LRP1B: variants seen among roughly 807,000 people sequenced by gnomAD.
LRP1B encodes the protein LDL receptor related protein 1B.
In LRP1B, 217 loss-of-function variants were observed where a neutral mutation model predicts 556.6. The observed-to-expected ratio is 0.39, with a 90% CI of 0.35 to 0.44. The LOEUF is 0.44. Ranked by LOEUF, LRP1B falls within the 20% of genes least tolerant of loss-of-function variation. The probability of loss-of-function intolerance (pLI) is 1.00; values close to 1 mark genes in which losing one functional copy is unlikely to be tolerated. For synonymous variants in LRP1B, 2,047 were observed against 1,865.8 expected (o/e 1.10, Z -2.50); for missense variants, 5,053 against 5,620.8 (o/e 0.90, Z 3.23).
rs201406303 is a variant in LRP1B at position 140,458,808 on chromosome 2, AG to A, written c.9626-1158del. 4.1e-3 allele frequency among the ~76,000 whole-genome samples: 617 copies of A among 152,142 alleles called. 2 individuals carry two copies. The highest frequency in any genetic ancestry group is 0.022 in the Middle Eastern group (6 of 274). On this transcript the variant is annotated intron_variant, in intron 60 of 90. Coordinates refer to ENST00000389484, the MANE Select transcript of LRP1B (RefSeq NM_018557.3). Reference sequence around the variant, plus strand: ...TGGGTAAATTTATATTATCAACTAAAGTAAATATTTTAAATTTTTTGATTTT... The same window carrying A: ...TGGGTAAATTTATATTATCAACTAAATAAATATTTTAAATTTTTTGATTTT...
chr2:141,017,942 C>T (rs908140229), intron 12 of LRP1B, among the ~76,000 whole-genome samples: 3 of 150,234 alleles, frequency 2.0e-5, no homozygotes, highest in African/African-American at 7.3e-5. Context: ...TCGAGGCTGT[C>T]GTGAGCCAAG....
intron 1 of LRP1B, among the ~76,000 whole-genome samples, chr2:142,036,374 C>G (rs944566946): frequency 6.6e-6 from 1 of 151,602 alleles, no homozygotes; most frequent in Admixed American, 6.6e-5. Flanking sequence ...TATCAAAAGA[C>G]ATTTTTGAAG....
chr2:141,500,806 C>T (rs886469579), intron 2 of LRP1B, among the ~76,000 whole-genome samples: 1 of 152,042 alleles, frequency 6.6e-6, no homozygotes, highest in African/African-American at 2.4e-5. Context: ...TAAATTCTAG[C>T]AAAGGGTGTC....
At chr2:141,324,930 T>C (rs1398005322) in intron 3 of LRP1B, among the ~76,000 whole-genome samples, 1 of 152,042 alleles carries the variant, frequency 6.6e-6, no homozygotes, top group East Asian at 1.9e-4. Flanking sequence ...GGTTCAAAAG[T>C]AAAATATTTT....
chr2:141,409,568 T>A (rs6429873), intron 3 of LRP1B, among the ~76,000 whole-genome samples: 98,852 of 151,874 alleles, frequency 0.65, 33,413 homozygotes, highest in Non-Finnish European at 0.75. Flanking sequence ...CCAAGAAATA[T>A]TTTAATATGT....
intron 2 of LRP1B, among the ~76,000 whole-genome samples, chr2:141,571,587 G>A (rs765195360): frequency 2.6e-5 from 4 of 152,070 alleles, no homozygotes; most frequent in Non-Finnish European, 5.9e-5. Context: ...TCAAATCGGC[G>A]AATTAACAGA....
At chr2:141,550,275 G>T (rs1247090125) in intron 2 of LRP1B, among the ~76,000 whole-genome samples, 1 of 152,088 alleles carries the variant, frequency 6.6e-6, no homozygotes, top group Non-Finnish European at 1.5e-5. Context: ...CACAAAGAAG[G>T]TGAATTTTAT....
chr2:141,353,627 G>A (rs2105545787), intron 3 of LRP1B, among the ~76,000 whole-genome samples: 1 of 152,058 alleles, frequency 6.6e-6, no homozygotes, highest in Middle Eastern at 3.4e-3. Context: ...TTATGGATGA[G>A]AAGTTCATGT....
At chr2:140,315,175 T>G in intron 82 of LRP1B, 76 bp from the exon 83 acceptor site, 2 of 981,246 alleles carry the variant, frequency 2.0e-6, no homozygotes, top group Non-Finnish European at 2.9e-6. Context: ...ATAGATACAA[T>G]ATTTAAATAC....
intron 1 of LRP1B, among the ~76,000 whole-genome samples, chr2:142,106,092 T>C (rs911548512): frequency 1.3e-5 from 2 of 152,196 alleles, no homozygotes; most frequent in African/African-American, 4.8e-5. Context: ...TTAGCTATGA[T>C]TTTTCATTAT....
intron 2 of LRP1B, among the ~76,000 whole-genome samples, chr2:141,498,440 A>T (rs564190132): frequency 2.1e-4 from 31 of 150,526 alleles, no homozygotes; most frequent in Admixed American, 6.7e-4. Flanking sequence ...TCTTCAAGAC[A>T]TTTTTTTTAA....
At chr2:140,868,056 C>G (rs754931956) in intron 26 of LRP1B, 43 bp downstream of exon 26, 1 of 1,539,408 alleles carries the variant, frequency 6.5e-7, no homozygotes, top group South Asian at 1.3e-5. Context: ...TAAATATTAT[C>G]TAAGTAAAAA....
chr2:141,771,888 G>A lies in LRP1B; in HGVS notation c.205+38391C>T, dbSNP rs140882666. Among the ~76,000 whole-genome samples, 106 of 152,092 alleles carry A rather than the reference G, an allele frequency of 7.0e-4. 3 individuals are homozygous for A. The highest frequency in any genetic ancestry group is 2.4e-3 in the African/African-American group (98 of 41,484). On this transcript the variant is annotated intron_variant, in intron 2 of 90. Transcript: ENST00000389484. Reference sequence around the variant, plus strand: ...GGCTGGAGTGCAGTGGTGCGTTCTCGGCTCACTGTAATCTCTGCCTTCCTA... The same window carrying A: ...GGCTGGAGTGCAGTGGTGCGTTCTCAGCTCACTGTAATCTCTGCCTTCCTA...
intron 2 of LRP1B, among the ~76,000 whole-genome samples, chr2:141,573,887 A>C (rs1686631172): frequency 6.6e-6 from 1 of 152,156 alleles, no homozygotes; most frequent in Non-Finnish European, 1.5e-5. Flanking sequence ...CTCTACCATG[A>C]CTAAACTGGA....
At chr2:141,204,447 C>G (rs112866839) in intron 6 of LRP1B, among the ~76,000 whole-genome samples, 1 of 152,072 alleles carries the variant, frequency 6.6e-6, no homozygotes, top group Non-Finnish European at 1.5e-5. Flanking sequence ...TTATGGTCCT[C>G]CACCTCAGAT....
intron 34 of LRP1B, among the ~76,000 whole-genome samples, 178 bp from the exon 35 acceptor site, chr2:140,769,522 T>C (rs1241090943): frequency 6.6e-6 from 1 of 152,004 alleles, no homozygotes; most frequent in Non-Finnish European, 1.5e-5. Flanking sequence ...GGTAGGTAGA[T>C]TTGTAGTTCT....
At chr2:141,202,651 G>T (rs1162811858) in intron 6 of LRP1B, among the ~76,000 whole-genome samples, 9 of 151,828 alleles carry the variant, frequency 5.9e-5, no homozygotes, top group African/African-American at 2.2e-4. Context: ...GTTTTGATTT[G>T]CATTTCTCTG....
rs1410816995 is a variant in LRP1B, at chr2:140,231,502, G to T, written c.*1684C>A. The T allele has an allele frequency of 6.6e-6, 1 of 151,472 alleles. No homozygotes were observed. The highest frequency in any genetic ancestry group is 6.6e-5 in the Admixed American group (1 of 15,078). The allele number at this position is 151,472 out of a possible 1,614,324, so 9.4% of individuals were successfully genotyped here. ...TTTAACACTTCATTGTAGAAACATA[G>T]GCAAAATGACTATATTATAACCAAA... On this transcript the variant is annotated 3_prime_UTR_variant, in exon 91 of 91. Transcript: ENST00000389484.
At chr2:141,718,015 C>T (rs1692670891) in intron 2 of LRP1B, among the ~76,000 whole-genome samples, 1 of 152,160 alleles carries the variant, frequency 6.6e-6, no homozygotes, top group Non-Finnish European at 1.5e-5. Context: ...TAGAGAATGG[C>T]CACTGTGGCC....
Sources: gnomAD v4.1 joint callset for allele counts (sites outside exome capture counted in the v4.1 genomes callset) on GRCh38, gnomAD v4.1.1 for gene constraint, MANE v1.5 for transcripts, NCBI Gene and HGNC (gene_info 2026-07-23, HGNC 2026-07-21) for gene names.